Variants in HYCC2 observed in about 807,000 individuals in gnomAD.
The protein encoded by HYCC2 is hyccin 2.
At chr2:201,037,796 A>G in the HYCC2 span, among the ~76,000 whole-genome samples, 1 of 152,190 alleles carries the variant, frequency 6.6e-6, no homozygotes, top group Non-Finnish European at 1.5e-5. Flanking sequence ...ACCCTAGAAG[A>G]AAACCTAGGC....
At chr2:201,053,395 A>T in the HYCC2 span, among the ~76,000 whole-genome samples, 2 of 152,356 alleles carry the variant, frequency 1.3e-5, no homozygotes, top group Non-Finnish European at 2.9e-5. Context: ...CTATTTTCAA[A>T]TAAATGTAAC....
chr2:200,988,812 C>G, the HYCC2 span, among the ~76,000 whole-genome samples: 2 of 152,214 alleles, frequency 1.3e-5, no homozygotes, highest in Admixed American at 1.3e-4. Flanking sequence ...TCCCTAAATA[C>G]TTCTGGCATT....
At chr2:201,052,583 A>G in the HYCC2 span, among the ~76,000 whole-genome samples, 4 of 152,324 alleles carry the variant, frequency 2.6e-5, no homozygotes, top group Admixed American at 6.5e-5. Flanking sequence ...ACTGCAGCCT[A>G]GACAAGAGTG....
the HYCC2 span, among the ~76,000 whole-genome samples, chr2:201,005,411 CA>C: frequency 6.6e-6 from 1 of 152,152 alleles, no homozygotes; most frequent in African/African-American, 2.4e-5. Context: ...ATCACCTCAA[CA>C]TTTTTTTTTC....
the HYCC2 span, among the ~76,000 whole-genome samples, chr2:200,995,113 A>G: frequency 6.6e-6 from 1 of 152,202 alleles, no homozygotes; most frequent in Non-Finnish European, 1.5e-5. Context: ...TGAATTATAA[A>G]TAAGTTTATC....
chr2:201,019,768 AG>A, the HYCC2 span, among the ~76,000 whole-genome samples: 1 of 151,446 alleles, frequency 6.6e-6, no homozygotes, highest in African/African-American at 2.4e-5. Flanking sequence ...AAAAAAAAAA[AG>A]AAAAATTGCC....
chr2:200,992,498 T>A, the HYCC2 span: 1 of 694,440 alleles, frequency 1.4e-6, no homozygotes, highest in South Asian at 1.7e-5. Context: ...CGTCATTTCA[T>A]TTATAAACTA....
the HYCC2 span, among the ~76,000 whole-genome samples, chr2:201,026,288 A>G: frequency 2.6e-5 from 4 of 152,246 alleles, no homozygotes; most frequent in Non-Finnish European, 5.9e-5. Flanking sequence ...TATGCACCCA[A>G]TACAGGAGCA....
At chr2:201,016,156 AAT>A in the HYCC2 span, among the ~76,000 whole-genome samples, 1 of 152,204 alleles carries the variant, frequency 6.6e-6, no homozygotes, top group Admixed American at 6.5e-5. Context: ...ATATAAATAA[AAT>A]ATTAATAATA....
At chr2:201,050,599 GA>G in the HYCC2 span, among the ~76,000 whole-genome samples, 1,846 of 71,556 alleles carry the variant, frequency 0.026, 20 homozygotes, top group African/African-American at 0.065. Flanking sequence ...CTCAAAAAAA[GA>G]AAAAAAAAAA....
the HYCC2 span, among the ~76,000 whole-genome samples, chr2:201,012,276 A>G: frequency 2.0e-5 from 3 of 152,270 alleles, no homozygotes; most frequent in Admixed American, 6.5e-5. Context: ...CCTAGGCAAC[A>G]TGGCAAAACC....
At chr2:201,069,775 C>T in the HYCC2 span, among the ~76,000 whole-genome samples, 5 of 152,192 alleles carry the variant, frequency 3.3e-5, no homozygotes, top group South Asian at 1.0e-3. Flanking sequence ...TTATCTAAAG[C>T]ACTGACAAAT....
At chr2:201,054,446 C>T in the HYCC2 span, among the ~76,000 whole-genome samples, 1 of 152,214 alleles carries the variant, frequency 6.6e-6, no homozygotes, top group Admixed American at 6.5e-5. Context: ...GCCCTTTTGA[C>T]ATAAACCTAG....
chr2:201,009,133 G>A, the HYCC2 span: 3 of 1,113,232 alleles, frequency 2.7e-6, no homozygotes, highest in Non-Finnish European at 4.1e-6. Context: ...CTACCATGAA[G>A]TAAAAATCTG....
chr2:200,982,066 T>C, the HYCC2 span, among the ~76,000 whole-genome samples: 4 of 152,158 alleles, frequency 2.6e-5, no homozygotes, highest in Non-Finnish European at 5.9e-5. Context: ...GATGTTAGTT[T>C]AGCTTTATTT....
At chr2:201,022,071 A>C in the HYCC2 span, 1 of 1,289,696 alleles carries the variant, frequency 7.8e-7, no homozygotes, top group South Asian at 1.2e-5. Context: ...GAACTTCTTC[A>C]AACTCACTCC....
chr2:200,988,545 C>G, the HYCC2 span: 4 of 598,196 alleles, frequency 6.7e-6, no homozygotes, highest in Non-Finnish European at 5.4e-6. Context: ...ATAAACATAT[C>G]TTTGTTGTTC....
the HYCC2 span, among the ~76,000 whole-genome samples, chr2:201,010,067 G>A: frequency 3.4e-5 from 5 of 146,588 alleles, no homozygotes; most frequent in Non-Finnish European, 5.9e-5. Context: ...TCGCGCCACT[G>A]CACTCCATCC....
the HYCC2 span, chr2:200,981,247 A>G: frequency 3.1e-6 from 5 of 1,604,540 alleles, no homozygotes; most frequent in East Asian, 1.1e-4. This position sits in a 1 kb window ranked among gnomAD's most constrained non-coding sequence, Gnocchi z 4.5. Flanking sequence ...AGGTAAGCAG[A>G]AAGATGAGGG....
Sources: allele counts gnomAD v4.1 joint callset (sites outside exome capture counted in the v4.1 genomes callset), GRCh38; gene constraint gnomAD v4.1.1; non-coding constraint Gnocchi (gnomAD v3.1); transcripts MANE v1.5; gene names NCBI Gene and HGNC (gene_info 2026-07-23, HGNC 2026-07-21).